Variants in APOB observed in about 807,000 individuals in gnomAD.
The protein encoded by APOB is apolipoprotein B, also known as apolipoprotein B-100.
Under a neutral mutation model 314.1 loss-of-function variants are expected in APOB, and 153 were observed. That is an observed-to-expected ratio of 0.49 (90% CI 0.43 to 0.56). The LOEUF (loss-of-function observed/expected upper bound fraction) is 0.56. Among genes scored for constraint, APOB ranks in the 20% least tolerant of loss-of-function variants. The pLI is 0.00. For synonymous variants in APOB, 2,087 were observed against 2,036.4 expected, an observed-to-expected ratio of 1.02 and a Z score of -0.67; for missense variants, 5,430 against 5,350.7, an observed-to-expected ratio of 1.01 and a Z score of -0.46.
chr2:21,014,529 T>G lies in APOB; in HGVS notation c.3761A>C (p.His1254Pro), dbSNP rs757438584. Residue 1254 changes from histidine (H) to proline (P), a missense_variant, in exon 24 of 29, where the codon CAC becomes CCC. By Grantham distance (77) the His-to-Pro change is moderately conservative. Transcript: ENST00000233242. ...GTTGAACTCCTTCAGGCTATTGAGG[T>G]GGTCTTGCAAAGTCTGGGTATAAGG... ...SLPYTQTLQDHLNSLKEFNLQ... is the reference protein window; with the variant it reads ...SLPYTQTLQDPLNSLKEFNLQ... The G allele has an allele frequency of 6.2e-7, 1 of 1,614,074 alleles. No homozygotes were observed. The highest frequency in any genetic ancestry group is 8.5e-7 in the Non-Finnish European group (1 of 1,179,996).
chr2:21,025,213 AG>A, intron 15 of APOB, 89 bp from the exon 16 acceptor site: 1 of 1,325,166 alleles, frequency 7.5e-7, no homozygotes, highest in Non-Finnish European at 1.1e-6. Context: ...TGATGCAGCC[AG>A]GATGGGCCTA....
chr2:21,041,409 C>T (rs1431695282), intron 3 of APOB, among the ~76,000 whole-genome samples: 1 of 152,178 alleles, frequency 6.6e-6, no homozygotes, highest in Admixed American at 6.5e-5. Flanking sequence ...AATAGAAGCG[C>T]TGCAGACTAG....
At chr2:21,023,472 C>T (rs968594955) in intron 17 of APOB, 53 bp downstream of exon 17, 2 of 1,591,088 alleles carry the variant, frequency 1.3e-6, no homozygotes, top group African/African-American at 1.3e-5. Context: ...ACAAGAAATG[C>T]ACCCTGGAAG....
At position 21,010,421 on chromosome 2, in the gene APOB, A is replaced by T. The variant is rs756491255; in HGVS notation, c.6447T>A (p.Tyr2149Ter). ...TTTGTATATCATTTTCTGTAATTCTATACTTTTTTGTGAGAGCAGTCAGTT... is the reference window on the plus strand; with the variant it reads ...TTTGTATATCATTTTCTGTAATTCTTTACTTTTTTGTGAGAGCAGTCAGTT... ...KEKLTALTKK[Y>*]RITENDIQIA... The change falls in exon 26 of 29, where the codon TAT (tyrosine) becomes TAA (stop). Residue 2149 changes from tyrosine (Y) to a stop codon, truncating the protein, a stop_gained. Transcript: ENST00000233242. LOFTEE classifies it high-confidence loss of function. 6.2e-7 allele frequency: 1 copy of T among 1,601,918 alleles called. No homozygotes were observed. Among genetic ancestry groups the T allele is most frequent in the Non-Finnish European group, 8.5e-7 (1 of 1,172,624 alleles).
At chr2:21,019,207 A>T in intron 19 of APOB, 94 bp from the exon 20 acceptor site, 1 of 1,478,566 alleles carries the variant, frequency 6.8e-7, no homozygotes, top group South Asian at 1.1e-5. Flanking sequence ...ATGCAACAAA[A>T]ATATGGTCCT....
chr2:21,029,256 C>A (rs929024504), intron 12 of APOB, among the ~76,000 whole-genome samples: 3 of 152,310 alleles, frequency 2.0e-5, no homozygotes, highest in Admixed American at 2.0e-4. Context: ...TCAAGACCAG[C>A]CTGGCCAACA....
chr2:21,002,077 G>A lies in APOB; in HGVS notation c.13345C>T (p.Gln4449Ter). 6.2e-7 allele frequency: 1 copy of A among 1,613,940 alleles called. No homozygotes were observed. The highest frequency in any genetic ancestry group is 1.3e-5 in the African/African-American group (1 of 75,012). The change falls in exon 29 of 29, where the codon CAG (glutamine) becomes TAG (stop). Residue 4449 changes from glutamine (Q) to a stop codon, truncating the protein, a stop_gained. Coordinates refer to ENST00000233242, the MANE Select transcript of APOB (RefSeq NM_000384.3). LOFTEE classifies it low-confidence loss of function (END_TRUNC). ...TCGGTAAGGATGCTAAGATATTCCT[G>A]AATATTTCTGTGCAGAAATTGCTCA... is the stretch of plus-strand genomic sequence containing the variant. ...QVEQFLHRNI[Q>*]EYLSILTDPD...
At chr2:21,016,725 C>G (rs1296872793) in intron 20 of APOB, 76 bp from the exon 21 acceptor site, 1 of 945,352 alleles carries the variant, frequency 1.1e-6, no homozygotes, top group East Asian at 2.4e-5. Context: ...TGGCTCACAC[C>G]TGTAATCCCA....
chr2:21,040,429 G>A (rs1389799207), intron 4 of APOB, among the ~76,000 whole-genome samples: 3 of 152,316 alleles, frequency 2.0e-5, no homozygotes, highest in Non-Finnish European at 4.4e-5. Context: ...ATTTACAATG[G>A]GTGCGACATG....
Position 21,033,420 on chromosome 2 carries a change from G to GT in APOB, c.1002dup (p.Leu335ThrfsTer5). 6.2e-7 allele frequency: 1 copy of GT among 1,614,176 alleles called. No individual in the cohort carries two copies. The highest frequency in any genetic ancestry group is 8.5e-7 in the Non-Finnish European group (1 of 1,180,014). On this transcript the variant is annotated frameshift_variant, in exon 9 of 29. Coordinates refer to ENST00000233242, the MANE Select transcript of APOB (RefSeq NM_000384.3). LOFTEE classifies it high-confidence loss of function. ...TGGATATTTTGCTCAGAGATGGTTAGTTTTTTCAGTTCCTGGAGAGTCTTC... is the reference window on the plus strand; with the variant it reads ...TGGATATTTTGCTCAGAGATGGTTAGTTTTTTTCAGTTCCTGGAGAGTCTTC...
At chr2:21,034,177 G>GT (rs1663947936) in intron 8 of APOB, among the ~76,000 whole-genome samples, 1 of 152,192 alleles carries the variant, frequency 6.6e-6, no homozygotes, top group Non-Finnish European at 1.5e-5. Context: ...AATGAGAATA[G>GT]TCCTGGCTTA....
At chr2:21,025,440 C>G (rs1283010695) in intron 15 of APOB, among the ~76,000 whole-genome samples, 8 of 152,122 alleles carry the variant, frequency 5.3e-5, no homozygotes, top group African/African-American at 1.9e-4. Context: ...TCCTCTATCC[C>G]CCACCCGTTC....
chr2:21,027,802 G>C (rs755473810), intron 14 of APOB, 26 bp downstream of exon 14: 1 of 1,562,186 alleles, frequency 6.4e-7, no homozygotes, highest in Non-Finnish European at 8.8e-7. Context: ...AAATGGGCTA[G>C]AGAACCTCAA....
At position 21,028,452 on chromosome 2, in the gene APOB, A is replaced by C. The variant is rs762218231; in HGVS notation, c.1704T>G (p.Ser568Arg). ...RLAAYLMLMR[S>R]PSQADINKIV... ...TTTTGTTAATATCTGCCTGTGAAGG[A>C]CTCCTCATCAACATAAGATAGGCAG... Residue 568 changes from serine (S) to arginine (R), a missense_variant, in exon 13 of 29, where the codon AGT (serine) becomes AGG (arginine). Around this residue, in one of 3 missense-constraint regions of APOB, gnomAD observed 2,085 missense variants for 2,079.7 expected, o/e 1.00. Coordinates refer to ENST00000233242, the MANE Select transcript of APOB (RefSeq NM_000384.3). 1 of 1,613,952 alleles carries C rather than the reference A, an allele frequency of 6.2e-7. No homozygotes were observed. Among genetic ancestry groups the C allele is most frequent in the Non-Finnish European group, 8.5e-7 (1 of 1,179,898 alleles).
chr2:21,017,545 C>A (rs1318779314), intron 20 of APOB, among the ~76,000 whole-genome samples: 2 of 152,094 alleles, frequency 1.3e-5, no homozygotes, highest in Admixed American at 1.3e-4. Flanking sequence ...GGCAGAAGGT[C>A]AGGAATGCAA....
rs1423272093 is a variant in APOB, at chr2:21,007,725, G to T, written c.9143C>A (p.Ala3048Glu). The part of the protein sequence containing the change: ...FFSAQPFEIT[A>E]STNNEGNLKV... ...CAAATTCCCTTCATTGTTTGTGGAT[G>T]CCGTGATCTCAAATGGCTGGGCTGA... The change falls in exon 26 of 29, where the codon GCA becomes GAA. Residue 3048 changes from alanine (A) to glutamate (E), a missense_variant. Ala to Glu is a moderately radical substitution (Grantham distance 107). This residue lies in a region of APOB where 3,281 missense variants were observed against 3,171.0 expected (regional missense o/e 1.03). Coordinates refer to ENST00000233242, the MANE Select transcript of APOB (RefSeq NM_000384.3). The T allele has an allele frequency of 6.2e-7, 1 of 1,613,988 alleles. No homozygotes were observed.
At chr2:21,013,085 C>G in intron 25 of APOB, 75 bp downstream of exon 25, 1 of 1,594,636 alleles carries the variant, frequency 6.3e-7, no homozygotes. Flanking sequence ...AAGTCCTTTC[C>G]TCCCTGGAGG....
At position 21,002,155 on chromosome 2, in the gene APOB, A is replaced by T; in HGVS notation, c.13267T>A (p.Ser4423Thr). The change falls in exon 29 of 29, where the codon TCT (serine) becomes ACT (threonine). Residue 4423 changes from serine (S) to threonine (T), a missense_variant. Transcript: ENST00000233242. ...TTAGAGGCACTGACAATATATTCAG[A>T]ATGGAAGTCCTTAAGAGCAACTAAC... ...NLLVALKDFH[S>T]EYIVSASNFT... The T allele has an allele frequency of 6.2e-7, 1 of 1,614,002 alleles. No individual in the cohort carries two copies. The highest frequency in any genetic ancestry group is 8.5e-7 in the Non-Finnish European group (1 of 1,179,984).
chr2:21,029,816 C>A (rs1253477826), intron 11 of APOB, 31 bp from the exon 12 acceptor site: 1 of 1,613,698 alleles, frequency 6.2e-7, no homozygotes, highest in South Asian at 1.1e-5. Flanking sequence ...AAGAACCCAT[C>A]AGGGTGCAGG....
Sources: allele counts gnomAD v4.1 joint callset (sites outside exome capture counted in the v4.1 genomes callset), GRCh38; gene constraint gnomAD v4.1.1; regional missense constraint gnomAD v4.1.1; transcripts MANE v1.5; gene names NCBI Gene and HGNC (gene_info 2026-07-23, HGNC 2026-07-21).